The following NELL2 variants were observed in gnomAD, a reference collection of about 807,000 sequenced individuals.
NELL2 encodes the protein neural EGFL like 2, also known as protein kinase C-binding protein NELL2.
Under a neutral mutation model 109.6 loss-of-function variants are expected in NELL2, and 41 were observed. The observed-to-expected ratio is 0.37, with a 90% CI of 0.29 to 0.49. The LOEUF (loss-of-function observed/expected upper bound fraction) is 0.49, where lower values mean the gene tolerates loss of function less well. Ranked by LOEUF, NELL2 falls within the 20% of genes least tolerant of loss-of-function variation. The pLI is 0.98. For missense variants in NELL2, 900 were observed against 1,008.3 expected (o/e 0.89, Z 1.45); for synonymous variants, 355 against 344.7 (o/e 1.03, Z -0.33).
intron 3 of NELL2, among the ~76,000 whole-genome samples, chr12:44,812,390 T>C (rs1337749378): frequency 6.6e-6 from 1 of 152,198 alleles, no homozygotes; most frequent in Non-Finnish European, 1.5e-5. Context: ...CTAAGGACAC[T>C]TACTACCTTG....
chr12:44,703,721 A>T lies in NELL2; in HGVS notation c.1318+5T>A. Reference sequence around the variant, plus strand: ...AGCTGAGCTACACATCATTACAAGGATTACCTTCACAGTAGGCATTATCCT... The same window carrying T: ...AGCTGAGCTACACATCATTACAAGGTTTACCTTCACAGTAGGCATTATCCT... On this transcript the variant is annotated splice_donor_5th_base_variant and intron_variant, in intron 12 of 19. Coordinates refer to ENST00000429094, the MANE Select transcript of NELL2 (RefSeq NM_001145108.2). The T allele has an allele frequency of 6.2e-7, 1 of 1,613,216 alleles. No homozygotes were observed. Among genetic ancestry groups the T allele is most frequent in the Non-Finnish European group, 8.5e-7 (1 of 1,179,432 alleles).
At chr12:44,917,868 G>A (rs985302636), upstream of NELL2, among the ~76,000 whole-genome samples, 1 of 152,180 alleles carries the variant, frequency 6.6e-6, no homozygotes, top group Non-Finnish European at 1.5e-5. Context: ...TAGGACCTGA[G>A]GGCAGCCTCC....
intron 13 of NELL2, among the ~76,000 whole-genome samples, chr12:44,622,483 C>T (rs935075339): frequency 2.6e-5 from 4 of 152,140 alleles, no homozygotes; most frequent in Non-Finnish European, 4.4e-5. Flanking sequence ...AAGGCCTGCT[C>T]TCCTTTAATA....
intron 7 of NELL2, among the ~76,000 whole-genome samples, chr12:44,776,508 T>C (rs1263746631): frequency 6.6e-6 from 1 of 152,212 alleles, no homozygotes; most frequent in East Asian, 1.9e-4. Flanking sequence ...AAATTCAGAA[T>C]TTATGTTGTA....
At chr12:44,534,253 C>A (rs1300182139) in intron 15 of NELL2, among the ~76,000 whole-genome samples, 1 of 152,052 alleles carries the variant, frequency 6.6e-6, no homozygotes, top group African/African-American at 2.4e-5. Flanking sequence ...TCATTTATTT[C>A]TTGATAGGTC....
intron 1 of NELL2, among the ~76,000 whole-genome samples, chr12:44,888,896 A>G (rs1471821185): frequency 6.6e-6 from 1 of 152,002 alleles, no homozygotes; most frequent in African/African-American, 2.4e-5. Flanking sequence ...CAGTTCTAAA[A>G]GCAACATAGT....
chr12:44,644,578 AAG>A (rs1491510456), intron 13 of NELL2, among the ~76,000 whole-genome samples: 1,435 of 109,286 alleles, frequency 0.013, 14 homozygotes, highest in Middle Eastern at 0.023. Flanking sequence ...AGACAAAGTA[AAG>A]TATATATATA....
rs142815584 is a variant in NELL2, at chr12:44,772,767, T to C, written c.994+1980A>G. On this transcript the variant is annotated intron_variant, in intron 9 of 19. Transcript: ENST00000429094. ...TAATACTTATTATTTTTTAGCCATA[T>C]CTAATGAGGGCCTATGGCTTTTTTT... 1.6e-4 allele frequency among the ~76,000 whole-genome samples: 25 copies of C among 152,270 alleles called. No individual in the cohort carries two copies. The East Asian group carries it at 3.9e-3, about 23-fold the overall frequency.
chr12:44,874,448 AATC>A (rs746154239), intron 2 of NELL2, among the ~76,000 whole-genome samples: 2 of 152,172 alleles, frequency 1.3e-5, no homozygotes, highest in Non-Finnish European at 2.9e-5. Flanking sequence ...CAAAAGCTCT[AATC>A]AAAGTTGAAG....
chr12:44,565,753 T>A (rs1943634507), intron 15 of NELL2, among the ~76,000 whole-genome samples: 1 of 152,144 alleles, frequency 6.6e-6, no homozygotes, highest in Non-Finnish European at 1.5e-5. Context: ...ACAAATAGAA[T>A]GCTGAATACA....
At chr12:44,760,424 A>G (rs1941072869) in intron 9 of NELL2, among the ~76,000 whole-genome samples, 1 of 152,166 alleles carries the variant, frequency 6.6e-6, no homozygotes, top group Non-Finnish European at 1.5e-5. Flanking sequence ...CCATCTAGAA[A>G]CAAGAGAAAA....
At chr12:44,549,943 TTA>T (rs1328661345) in intron 15 of NELL2, among the ~76,000 whole-genome samples, 2 of 152,092 alleles carry the variant, frequency 1.3e-5, no homozygotes, top group African/African-American at 4.8e-5. Context: ...CAAAGAAGTT[TTA>T]AATAAGAGGA....
At chr12:44,920,050 A>T (rs1267649247) in intron 1 of NELL2, among the ~76,000 whole-genome samples, 1 of 152,214 alleles carries the variant, frequency 6.6e-6, no homozygotes, top group Non-Finnish European at 1.5e-5. Context: ...AAGGTTAGAA[A>T]CTGGAGAGCT....
In NELL2 at chr12:44,703,734, T is replaced by C. The variant is rs1309074093; in HGVS notation, c.1310A>G (p.Tyr437Cys). The C allele has an allele frequency of 6.2e-7, 1 of 1,613,338 alleles. No individual in the cohort carries two copies. Residue 437 changes from tyrosine to cysteine, a missense_variant, in exon 12 of 20, where the codon TAC becomes TGC. Physicochemically the swap from Tyr to Cys is radical, Grantham distance 194 (BLOSUM62 -2). Coordinates refer to ENST00000429094, the MANE Select transcript of NELL2 (RefSeq NM_001145108.2). Reference sequence around the variant, plus strand: ...ATCATTACAAGGATTACCTTCACAGTAGGCATTATCCTCTCGAAGAGCCCT... The same window carrying C: ...ATCATTACAAGGATTACCTTCACAGCAGGCATTATCCTCTCGAAGAGCCCT... Reference protein sequence around the residue: ...GFRALREDNAYCEDIDECAEG... With the variant: ...GFRALREDNACCEDIDECAEG...
chr12:44,519,606 TG>T (rs1366129836), intron 19 of NELL2, among the ~76,000 whole-genome samples: 1 of 152,222 alleles, frequency 6.6e-6, no homozygotes, highest in African/African-American at 2.4e-5. Context: ...ACTTCACTTA[TG>T]TATCTTACGG....
intron 15 of NELL2, among the ~76,000 whole-genome samples, chr12:44,600,478 C>A (rs1183337194): frequency 6.6e-6 from 1 of 152,114 alleles, no homozygotes; most frequent in African/African-American, 2.4e-5. Flanking sequence ...AACAACGTTT[C>A]TCCAGCATAT....
rs189895690 is a variant in NELL2, at chr12:44,901,299, A to G, written c.38+12500T>C. Among the ~76,000 whole-genome samples the G allele has an allele frequency of 4.8e-3, 735 of 152,320 alleles. 5 individuals are homozygous for G. Among genetic ancestry groups the G allele is most frequent in the African/African-American group, 0.017 (693 of 41,554 alleles). ...CTACACAAATAAACTAAAAATCTAG[A>G]AGAAATGGATAAATTCCTGGACACA... On this transcript the variant is annotated intron_variant, in intron 1 of 20. Coordinates refer to the NELL2 transcript ENST00000333837.
intron 2 of NELL2, among the ~76,000 whole-genome samples, chr12:44,850,587 G>A (rs1483714491): frequency 1.3e-5 from 2 of 152,132 alleles, no homozygotes; most frequent in Non-Finnish European, 2.9e-5. Flanking sequence ...ATGCAAAACA[G>A]TAATTCTTTT....
chr12:44,510,159 A>C (rs972184289), intron 19 of NELL2, among the ~76,000 whole-genome samples: 14 of 152,210 alleles, frequency 9.2e-5, no homozygotes, highest in African/African-American at 3.1e-4. Context: ...GATAATGTTA[A>C]TATCGTTTTT....
Sources: allele counts gnomAD v4.1 joint callset (sites outside exome capture counted in the v4.1 genomes callset), GRCh38; gene constraint gnomAD v4.1.1; transcripts MANE v1.5; gene names NCBI Gene and HGNC (gene_info 2026-07-23, HGNC 2026-07-21).